The following LAPTM4B variants were observed in gnomAD, a reference collection of about 807,000 sequenced individuals.
LAPTM4B encodes lysosomal-associated transmembrane protein 4B.
A neutral mutation model predicts 28.5 loss-of-function variants in LAPTM4B; 26 were observed. That is an observed-to-expected ratio of 0.91 (90% confidence interval 0.67 to 1.27). LAPTM4B has a LOEUF of 1.27. Among genes scored for constraint, LAPTM4B ranks in the 50% most tolerant of loss-of-function variants. The probability of loss-of-function intolerance (pLI) is 0.00; values close to 1 mark genes in which losing one functional copy is unlikely to be tolerated. For missense variants in LAPTM4B, 288 were observed against 285.8 expected (o/e 1.01, Z -0.06); for synonymous variants, 109 against 106.4 (o/e 1.02, Z -0.15).
At chr8:97,821,902 T>C (rs1367703054) in intron 5 of LAPTM4B, among the ~76,000 whole-genome samples, 1 of 152,092 alleles carries the variant, frequency 6.6e-6, no homozygotes, top group African/African-American at 2.4e-5. Context: ...TCAGCTTTTC[T>C]GCCAACATAA....
At chr8:97,840,937 C>T (rs570393187) in intron 6 of LAPTM4B, among the ~76,000 whole-genome samples, 160 of 151,558 alleles carry the variant, frequency 1.1e-3, no homozygotes, top group Non-Finnish European at 2.0e-3. Flanking sequence ...AGGCCCTCAT[C>T]ACTTCTAGAC....
intron 4 of LAPTM4B, among the ~76,000 whole-genome samples, chr8:97,817,523 C>T (rs1397585037): frequency 6.7e-6 from 1 of 148,578 alleles, no homozygotes. Flanking sequence ...TCTCGGCTCA[C>T]TGCAACCTCC....
chr8:97,778,432 T>C (rs1816259871), intron 1 of LAPTM4B, among the ~76,000 whole-genome samples: 1 of 152,124 alleles, frequency 6.6e-6, no homozygotes, highest in African/African-American at 2.4e-5. Flanking sequence ...GACTCCATCT[T>C]GGCTCCTTCA....
chr8:97,788,664 T>G (rs985869868), intron 1 of LAPTM4B, among the ~76,000 whole-genome samples: 1 of 151,998 alleles, frequency 6.6e-6, no homozygotes, highest in Admixed American at 6.6e-5. Context: ...AAAATTTCCT[T>G]TGTTAAGGGT....
At position 97,836,864 on chromosome 8, in the gene LAPTM4B, A is replaced by G. The variant is rs187100500; in HGVS notation, c.603+11711A>G. 5.9e-5 allele frequency among the ~76,000 whole-genome samples: 9 copies of G among 152,186 alleles called. No homozygotes were observed. In the East Asian group the frequency reaches 1.3e-3, roughly 23 times the overall value. ...TTGCTATGTGGGGGCCTTCTTTTGC[A>G]TCTAACTGCTTGAAAAACGCAATTG... On this transcript the variant is annotated intron_variant, in intron 6 of 6. Coordinates refer to ENST00000521545, the MANE Select transcript of LAPTM4B (RefSeq NM_018407.6).
intron 6 of LAPTM4B, among the ~76,000 whole-genome samples, chr8:97,847,316 G>A (rs1476990268): frequency 2.0e-5 from 3 of 152,190 alleles, no homozygotes; most frequent in African/African-American, 7.2e-5. Flanking sequence ...GTCTGTGGTT[G>A]CGGTTTTAAA....
rs571754982 is a variant in LAPTM4B, at chr8:97,796,666, G to A, written c.100-8687G>A. On this transcript the variant is annotated intron_variant, in intron 1 of 6. Transcript: ENST00000521545. ...TAGAAATGTCCGGGCACGTCCGGGC[G>A]CAGTGACTCATTCCTGTAATCCCAG... Among the ~76,000 whole-genome samples, 4 of 152,270 alleles carry A rather than the reference G, an allele frequency of 2.6e-5. No individual in the cohort carries two copies. The South Asian group carries it at 8.3e-4, about 32-fold the overall frequency.
intron 2 of LAPTM4B, among the ~76,000 whole-genome samples, chr8:97,809,115 C>T (rs1006934320): frequency 1.3e-5 from 2 of 152,168 alleles, no homozygotes; most frequent in Admixed American, 1.3e-4. Context: ...GCAAGCCTTT[C>T]AGGGTAGCTA....
intron 6 of LAPTM4B, among the ~76,000 whole-genome samples, chr8:97,845,162 C>G (rs1037523040): frequency 6.6e-6 from 1 of 152,152 alleles, no homozygotes; most frequent in African/African-American, 2.4e-5. Context: ...CCATTTTCTC[C>G]GCTGCTTTAT....
At chr8:97,818,451 C>T (rs2449542) in intron 4 of LAPTM4B, among the ~76,000 whole-genome samples, 152,019 of 152,330 alleles carry the variant, frequency 1, 75,860 homozygotes, top group Middle Eastern at 1. Context: ...TGTGAGTGTT[C>T]TGTGGGGAAA....
intron 1 of LAPTM4B, among the ~76,000 whole-genome samples, chr8:97,785,220 G>GA (rs1816382174): frequency 6.6e-6 from 1 of 151,880 alleles, no homozygotes; most frequent in Admixed American, 6.6e-5. Flanking sequence ...CGAGTACATG[G>GA]GATTACAGGC....
intron 1 of LAPTM4B, among the ~76,000 whole-genome samples, chr8:97,801,715 T>A (rs957198786): frequency 6.6e-6 from 1 of 151,952 alleles, no homozygotes; most frequent in Non-Finnish European, 1.5e-5. Flanking sequence ...TGGTGGCAGG[T>A]GTCTGTAATC....
At chr8:97,808,569 C>T (rs576376077) in intron 2 of LAPTM4B, among the ~76,000 whole-genome samples, 1 of 152,148 alleles carries the variant, frequency 6.6e-6, no homozygotes, top group South Asian at 2.1e-4. Context: ...TAAAGGAGAC[C>T]AAAACACATA....
At chr8:97,851,101 C>G (rs929215839) in intron 6 of LAPTM4B, among the ~76,000 whole-genome samples, 3 of 152,192 alleles carry the variant, frequency 2.0e-5, no homozygotes, top group East Asian at 1.9e-4. Flanking sequence ...ACACACTCAC[C>G]TAGGGGTCTT....
rs564454087 is a variant in LAPTM4B, at chr8:97,850,952, G to A, written c.604-445G>A. On this transcript the variant is annotated intron_variant, in intron 6 of 6. Coordinates refer to ENST00000521545, the MANE Select transcript of LAPTM4B (RefSeq NM_018407.6). ...TGTTAAGGAACTTACCCAAGGCTAC[G>A]CTGATAAAATGTGACTGACCCAGGC... is the stretch of plus-strand genomic sequence containing the variant. Among the ~76,000 whole-genome samples, 8 of 151,366 alleles carry A rather than the reference G, an allele frequency of 5.3e-5. No individual in the cohort carries two copies. In the South Asian group the frequency reaches 1.0e-3, roughly 20 times the overall value.
intron 1 of LAPTM4B, among the ~76,000 whole-genome samples, chr8:97,790,691 C>T (rs1816483938): frequency 6.6e-6 from 1 of 152,166 alleles, no homozygotes; most frequent in Non-Finnish European, 1.5e-5. Flanking sequence ...AGTTATCTGC[C>T]CGCCTCAGCT....
intron 4 of LAPTM4B, among the ~76,000 whole-genome samples, chr8:97,818,520 T>C (rs11784577): frequency 0.46 from 69,532 of 151,976 alleles, 16,292 homozygotes; most frequent in East Asian, 0.58. Flanking sequence ...AAGGTTCCCT[T>C]TGACCTGGTT....
At chr8:97,849,830 C>G (rs953191183) in intron 6 of LAPTM4B, among the ~76,000 whole-genome samples, 1 of 151,778 alleles carries the variant, frequency 6.6e-6, no homozygotes, top group Non-Finnish European at 1.5e-5. Flanking sequence ...CTGCCCGCCC[C>G]CGGTTCCTGT....
intron 2 of LAPTM4B, among the ~76,000 whole-genome samples, chr8:97,808,169 T>C (rs1816781517): frequency 6.6e-6 from 1 of 151,012 alleles, no homozygotes; most frequent in Non-Finnish European, 1.5e-5. Context: ...TTATTCAGGC[T>C]GGGCTCAGTG....
Sources: allele counts gnomAD v4.1 joint callset (sites outside exome capture counted in the v4.1 genomes callset), GRCh38; gene constraint gnomAD v4.1.1; transcripts MANE v1.5; gene names NCBI Gene and HGNC (gene_info 2026-07-23, HGNC 2026-07-21).